The following CREBRF variants were observed in gnomAD, a reference collection of about 807,000 sequenced individuals.
CREBRF encodes UPF0474 protein C5orf41.
CREBRF carries 5 observed loss-of-function variants against 66.1 expected under a neutral mutation model. The ratio of observed to expected loss-of-function variants is 0.08; its 90% confidence interval spans 0.04 to 0.16. The LOEUF is 0.16. Ranked by LOEUF, CREBRF falls within the 10% of genes least tolerant of loss-of-function variation. The pLI is 1.00. For synonymous variants in CREBRF, 229 were observed against 264.4 expected (o/e 0.87, Z 1.30); for missense variants, 531 against 744.9 (o/e 0.71, Z 3.34).
At chr5:173,119,767 C>T (rs1759094670) in intron 7 of CREBRF, among the ~76,000 whole-genome samples, 1 of 152,118 alleles carries the variant, frequency 6.6e-6, no homozygotes, top group Non-Finnish European at 1.5e-5. Flanking sequence ...TGCCCTTTAT[C>T]ATTTTGAGAA....
intron 7 of CREBRF, among the ~76,000 whole-genome samples, chr5:173,116,994 C>T (rs1024043686): frequency 6.6e-6 from 1 of 152,100 alleles, no homozygotes; most frequent in African/African-American, 2.4e-5. Context: ...GAGCCTCTTT[C>T]CTGTGCTTAT....
intron 1 of CREBRF, among the ~76,000 whole-genome samples, chr5:173,076,317 A>G (rs1408330698): frequency 6.6e-6 from 1 of 152,206 alleles, no homozygotes. Flanking sequence ...CAATACTGTT[A>G]GGATGGCATT....
In CREBRF at chr5:173,135,297, CATT is replaced by C. The variant is rs1385112498; in HGVS notation, c.*1554_*1556del. The stretch of plus-strand genomic sequence containing the variant: ...TTCTATAGTTTCTAGAATTGAGAAA[CATT>C]AACACATTTAGTTTTTAGGTGCTCT... On this transcript the variant is annotated 3_prime_UTR_variant, in exon 9 of 9. Coordinates refer to ENST00000296953, the MANE Select transcript of CREBRF (RefSeq NM_153607.3). The C allele has an allele frequency of 6.6e-6, 1 of 152,384 alleles. No homozygotes were observed. The highest frequency in any genetic ancestry group is 1.5e-5 in the Non-Finnish European group (1 of 67,898). 9.4% of individuals were successfully genotyped at this position (152,384 alleles called of 1,614,324 possible). A position where few individuals can be genotyped will look rare whatever the true frequency, so the allele number is the denominator to read the frequency against.
intron 8 of CREBRF, among the ~76,000 whole-genome samples, chr5:173,128,651 A>T (rs988457829): frequency 1.3e-5 from 2 of 152,036 alleles, no homozygotes; most frequent in African/African-American, 4.8e-5. Context: ...CTTGTCTGGT[A>T]TTATCACGAA....
chr5:173,061,628 G>GTC (rs1757276378), intron 1 of CREBRF, among the ~76,000 whole-genome samples: 1 of 152,212 alleles, frequency 6.6e-6, no homozygotes, highest in Non-Finnish European at 1.5e-5. Flanking sequence ...ATAGTCACGT[G>GTC]AATAGTCAAC....
At chr5:173,126,153 T>C (rs959564040) in intron 8 of CREBRF, among the ~76,000 whole-genome samples, 1 of 152,142 alleles carries the variant, frequency 6.6e-6, no homozygotes. Flanking sequence ...TTTTTTGTTT[T>C]GTTTTGAGAC....
chr5:173,091,949 C>T (rs1006521735), intron 4 of CREBRF: 4 of 268,500 alleles, frequency 1.5e-5, no homozygotes, highest in Non-Finnish European at 2.3e-5. Flanking sequence ...GATGTGGTGG[C>T]ACGCATCTGT....
intron 4 of CREBRF, among the ~76,000 whole-genome samples, chr5:173,097,212 C>A (rs949138391): frequency 3.3e-5 from 5 of 152,102 alleles, no homozygotes; most frequent in Non-Finnish European, 5.9e-5. Flanking sequence ...GTAGAATTTA[C>A]TAGTGAAGTC....
At chr5:173,085,367 A>C in intron 2 of CREBRF, 1 of 1,259,034 alleles carries the variant, frequency 7.9e-7, no homozygotes, top group African/African-American at 1.5e-5. Flanking sequence ...CTCTTCTTCG[A>C]TCCTGGAGGC....
chr5:173,071,195 G>A (rs1757590218), intron 1 of CREBRF, among the ~76,000 whole-genome samples: 2 of 151,384 alleles, frequency 1.3e-5, no homozygotes, highest in Admixed American at 1.3e-4. Context: ...GAAAGATAGT[G>A]TCATTGTGTA....
At chr5:173,063,600 C>T in intron 1 of CREBRF, among the ~76,000 whole-genome samples, 1 of 152,118 alleles carries the variant, frequency 6.6e-6, no homozygotes, top group East Asian at 1.9e-4. Flanking sequence ...AACTCCTGAC[C>T]TCAGGTGATC....
intron 4 of CREBRF, among the ~76,000 whole-genome samples, chr5:173,102,097 G>A (rs1251427443): frequency 6.6e-6 from 1 of 152,112 alleles, no homozygotes; most frequent in African/African-American, 2.4e-5. Flanking sequence ...GAATATTTCA[G>A]TTTAGTCCTT....
chr5:173,081,808 C>T (rs1326145688), intron 2 of CREBRF, among the ~76,000 whole-genome samples: 2 of 151,722 alleles, frequency 1.3e-5, no homozygotes, highest in Non-Finnish European at 2.9e-5. Context: ...TAATCCCAGC[C>T]ACTTGGGAGG....
At chr5:173,129,573 AAGTT>A (rs1033967627) in intron 8 of CREBRF, among the ~76,000 whole-genome samples, 38 of 151,856 alleles carry the variant, frequency 2.5e-4, no homozygotes, top group African/African-American at 7.7e-4. Flanking sequence ...AAAATACAAA[AAGTT>A]AGCCAGGCAT....
intron 4 of CREBRF, among the ~76,000 whole-genome samples, chr5:173,092,927 C>G (rs1475827908): frequency 6.6e-6 from 1 of 152,108 alleles, no homozygotes; most frequent in African/African-American, 2.4e-5. Context: ...AGAATAATGT[C>G]TTTTTACAAT....
chr5:173,063,031 G>A (rs903626965), intron 1 of CREBRF, among the ~76,000 whole-genome samples: 14 of 152,210 alleles, frequency 9.2e-5, no homozygotes, highest in African/African-American at 3.1e-4. Flanking sequence ...ACAGGTGTGA[G>A]CCACCGCGCC....
At chr5:173,088,255 C>CTTTTTTTTT (rs536962764) in intron 3 of CREBRF, among the ~76,000 whole-genome samples, 1 of 66,826 alleles carries the variant, frequency 1.5e-5, no homozygotes, top group Admixed American at 2.1e-4. Context: ...CAAATACATT[C>CTTTTTTTTT]TTTTTTTTTT....
At chr5:173,117,579 C>CTCCTTCCTTCCTTCCTTCCT (rs1186370279) in intron 7 of CREBRF, among the ~76,000 whole-genome samples, 17 of 39,602 alleles carry the variant, frequency 4.3e-4, no homozygotes, top group Non-Finnish European at 6.5e-4. Context: ...CCCTCCCTCC[C>CTCCTTCCTTCCTTCCTTCCT]TCCTTCCTTC....
At chr5:173,068,145 G>T (rs535932846) in intron 1 of CREBRF, 2 of 453,502 alleles carry the variant, frequency 4.4e-6, no homozygotes, top group Non-Finnish European at 8.9e-6. Context: ...AAAAACTAAC[G>T]AGTTACTGTA....
Sources: allele counts gnomAD v4.1 joint callset (sites outside exome capture counted in the v4.1 genomes callset), GRCh38; gene constraint gnomAD v4.1.1; transcripts MANE v1.5; gene names NCBI Gene and HGNC (gene_info 2026-07-23, HGNC 2026-07-21).